The following STK3 variants were observed in gnomAD, a reference collection of about 807,000 sequenced individuals.
STK3 encodes the protein serine/threonine kinase 3, also known as serine/threonine-protein kinase 3.
In STK3, 41 loss-of-function variants were observed where a neutral mutation model predicts 58.0. That is an observed-to-expected ratio of 0.71 (90% CI 0.55 to 0.92). STK3 has a LOEUF of 0.92. Ranked by LOEUF, STK3 falls within the 40% of genes least tolerant of loss-of-function variation. The probability of loss-of-function intolerance (pLI) is 0.00; values close to 1 mark genes in which losing one functional copy is unlikely to be tolerated. For missense variants in STK3, 479 were observed against 602.7 expected (o/e 0.79, Z 2.15); for synonymous variants, 170 against 191.0 (o/e 0.89, Z 0.91).
intron 1 of STK3, among the ~76,000 whole-genome samples, chr8:98,821,383 T>C (rs977028147): frequency 6.6e-6 from 1 of 152,110 alleles, no homozygotes; most frequent in Non-Finnish European, 1.5e-5. Context: ...GACTGGTCCC[T>C]GGTGCCAAAA....
At chr8:98,893,486 G>GACAGAGAAAGAA (rs776247646) in intron 1 of STK3, among the ~76,000 whole-genome samples, 1 of 42,998 alleles carries the variant, frequency 2.3e-5, no homozygotes, top group Non-Finnish European at 4.3e-5. Context: ...AAGAAAGAAA[G>GACAGAGAAAGAA]AGAAAGAAAG....
chr8:98,515,101 C>T (rs371250154), intron 10 of STK3, among the ~76,000 whole-genome samples: 8 of 152,092 alleles, frequency 5.3e-5, no homozygotes, highest in East Asian at 1.9e-4. Context: ...CTATCTTTGC[C>T]TTAATCCACT....
intron 3 of STK3, among the ~76,000 whole-genome samples, chr8:98,858,897 T>TAAAAAAA (rs762055696): frequency 1.2e-5 from 1 of 80,530 alleles, no homozygotes. Flanking sequence ...AGACTCCATC[T>TAAAAAAA]AAAAAAAAAA....
upstream of STK3, among the ~76,000 whole-genome samples, chr8:98,828,067 C>A (rs1835379351): frequency 6.6e-6 from 1 of 151,758 alleles, no homozygotes; most frequent in South Asian, 2.1e-4. Context: ...CTCTGCCTCC[C>A]TGGTTCAAGA....
Position 98,687,378 on chromosome 8 carries a change from A to G in STK3, c.684+19089T>C, listed in dbSNP as rs182145091. Among the ~76,000 whole-genome samples the G allele has an allele frequency of 7.9e-5, 12 of 152,322 alleles. No homozygotes were observed. In the East Asian group the frequency reaches 2.3e-3, roughly 29 times the overall value. Reference sequence around the variant, plus strand: ...TAGATCCCTTGCACGTGCAGTTCACAAAAGGGTTCACGCTCCTAAGAGAAT... The same window carrying G: ...TAGATCCCTTGCACGTGCAGTTCACGAAAGGGTTCACGCTCCTAAGAGAAT... On this transcript the variant is annotated intron_variant, in intron 6 of 10. Transcript: ENST00000419617.
At chr8:98,360,628 C>T in the STK3 span, among the ~76,000 whole-genome samples, 6 of 152,118 alleles carry the variant, frequency 3.9e-5, no homozygotes, top group African/African-American at 9.6e-5. Context: ...TACATTTGGC[C>T]GTTGTTTGTA....
At position 98,455,526 on chromosome 8, in the gene STK3, C is replaced by T; in HGVS notation, c.*316G>A. ...TAACATAAAGCCCTTCAGTGCTGTA[C>T]AATGCAACAATAGCTTTGGATTTTC... On this transcript the variant is annotated 3_prime_UTR_variant, in exon 11 of 11. Coordinates refer to ENST00000419617, the MANE Select transcript of STK3 (RefSeq NM_006281.4). 3.0e-6 allele frequency: 1 copy of T among 337,570 alleles called. No individual in the cohort carries two copies. The highest frequency in any genetic ancestry group is 5.5e-6 in the Non-Finnish European group (1 of 182,210). 20.9% of individuals were successfully genotyped at this position (337,570 alleles called of 1,614,324 possible).
At chr8:98,614,445 CG>C (rs1384315565) in intron 6 of STK3, among the ~76,000 whole-genome samples, 1 of 151,946 alleles carries the variant, frequency 6.6e-6, no homozygotes, top group African/African-American at 2.4e-5. Context: ...ATGTCTCGAT[CG>C]GGGGAGGAGC....
At chr8:98,651,179 G>A (rs1037064007) in intron 6 of STK3, among the ~76,000 whole-genome samples, 1 of 152,178 alleles carries the variant, frequency 6.6e-6, no homozygotes, top group Non-Finnish European at 1.5e-5. Flanking sequence ...AGCATTCGCG[G>A]TCACGAAAAT....
intron 3 of STK3, among the ~76,000 whole-genome samples, chr8:98,848,579 T>G (rs941400287): frequency 1.3e-5 from 2 of 152,238 alleles, no homozygotes; most frequent in Non-Finnish European, 2.9e-5. Context: ...ATTCTGGACA[T>G]TTCATATGAA....
chr8:98,833,598 T>C (rs959726587), intron 3 of STK3, among the ~76,000 whole-genome samples: 15 of 152,298 alleles, frequency 9.8e-5, no homozygotes, highest in Admixed American at 2.0e-4. Flanking sequence ...TTAGGGCCTG[T>C]TATTTGTCAT....
At chr8:98,433,197 G>A (rs1818368007) in intron 3 of STK3, among the ~76,000 whole-genome samples, 1 of 152,132 alleles carries the variant, frequency 6.6e-6, no homozygotes, top group Non-Finnish European at 1.5e-5. Flanking sequence ...GAATGGTCCT[G>A]TATTCTTGTA....
At chr8:98,399,395 G>A (rs75365431), downstream of STK3, among the ~76,000 whole-genome samples, 1,955 of 152,318 alleles carry the variant, frequency 0.013, 38 homozygotes, top group African/African-American at 0.045. Context: ...GATCCATAAC[G>A]TATTTCAAGA....
At chr8:98,442,215 GC>G (rs1404963241) in intron 1 of STK3, among the ~76,000 whole-genome samples, 1 of 152,086 alleles carries the variant, frequency 6.6e-6, no homozygotes, top group Admixed American at 6.5e-5. Flanking sequence ...CATAATTCAA[GC>G]CCCCAGCCCC....
chr8:98,571,884 C>T (rs1473316309), intron 8 of STK3, among the ~76,000 whole-genome samples: 1 of 152,282 alleles, frequency 6.6e-6, no homozygotes, highest in East Asian at 1.9e-4. Flanking sequence ...CCTTAAGAAA[C>T]GTCTGAGCTC....
chr8:98,551,911 C>G (rs1293686160), intron 8 of STK3, among the ~76,000 whole-genome samples: 2 of 152,048 alleles, frequency 1.3e-5, no homozygotes, highest in Non-Finnish European at 2.9e-5. Flanking sequence ...TAGAGAGAAA[C>G]TAATTCAAAC....
At chr8:98,929,647 C>CATAA (rs941992781) in intron 1 of STK3, among the ~76,000 whole-genome samples, 64 of 152,130 alleles carry the variant, frequency 4.2e-4, no homozygotes, top group East Asian at 5.8e-4. Flanking sequence ...CAGACCCTGT[C>CATAA]ATAAATAAAT....
chr8:98,517,602 T>A (rs1825032013), intron 10 of STK3, among the ~76,000 whole-genome samples: 1 of 152,104 alleles, frequency 6.6e-6, no homozygotes, highest in Admixed American at 6.6e-5. Flanking sequence ...AGTATAAAAT[T>A]ACAAAAATAA....
intron 6 of STK3, among the ~76,000 whole-genome samples, chr8:98,694,841 T>C (rs1587322076): frequency 6.6e-6 from 1 of 152,222 alleles, no homozygotes; most frequent in Non-Finnish European, 1.5e-5. Context: ...AGTAGCATGA[T>C]TTATAGTCCT....
Sources: gnomAD v4.1 joint callset for allele counts (sites outside exome capture counted in the v4.1 genomes callset) on GRCh38, gnomAD v4.1.1 for gene constraint, MANE v1.5 for transcripts, NCBI Gene and HGNC (gene_info 2026-07-23, HGNC 2026-07-21) for gene names.